Variants in REV1 observed in about 807,000 individuals in gnomAD.
The protein encoded by REV1 is translesion synthesis protein REV1.
REV1 carries 42 observed loss-of-function variants against 137.4 expected under a neutral mutation model. That is an observed-to-expected ratio of 0.31 (90% confidence interval 0.24 to 0.40). The LOEUF is 0.40. Ranked by LOEUF, REV1 falls within the 10% of genes least tolerant of loss-of-function variation. The probability of loss-of-function intolerance (pLI) is 1.00; values close to 1 mark genes in which losing one functional copy is unlikely to be tolerated. For missense variants in REV1, 1,282 were observed against 1,490.1 expected, an observed-to-expected ratio of 0.86 and a Z score of 2.30; for synonymous variants, 524 against 519.2, an observed-to-expected ratio of 1.01 and a Z score of -0.12.
At chr2:99,403,874 T>A in intron 18 of REV1, 59 bp from the exon 19 acceptor site, 1 of 1,585,584 alleles carries the variant, frequency 6.3e-7, no homozygotes, top group Non-Finnish European at 8.6e-7. Context: ...GTAGCTGGTT[T>A]CTCTTTTTCA....
In REV1 at chr2:99,439,222, A is replaced by T; in HGVS notation, c.592T>A (p.Phe198Ile). The T allele has an allele frequency of 1.2e-6, 2 of 1,614,094 alleles. No individual in the cohort carries two copies. Among genetic ancestry groups the T allele is most frequent in the Non-Finnish European group, 1.7e-6 (2 of 1,179,970 alleles). ...GTCTGCTCCAGATCCACAAAACTAAAATCATTATTTTCATCTTCTTCATTC... is the reference window on the plus strand; with the variant it reads ...GTCTGCTCCAGATCCACAAAACTAATATCATTATTTTCATCTTCTTCATTC... ...SWNEEDENND[F>I]SFVDLEQTSP... is the part of the protein sequence containing the mutation. The change falls in exon 6 of 23, where the codon TTT becomes ATT. Residue 198 changes from phenylalanine to isoleucine, a missense_variant. By Grantham distance (21) the Phe-to-Ile change is conservative (BLOSUM62 0). Transcript: ENST00000258428.
At chr2:99,411,411 CTTTT>C (rs550532536) in intron 13 of REV1, among the ~76,000 whole-genome samples, 3 of 138,646 alleles carry the variant, frequency 2.2e-5, no homozygotes, top group South Asian at 4.6e-4. Flanking sequence ...CCTTTCTTTC[CTTTT>C]TTTTTTTTTT....
At chr2:99,477,906 G>A (rs956295687) in intron 1 of REV1, among the ~76,000 whole-genome samples, 1 of 152,158 alleles carries the variant, frequency 6.6e-6, no homozygotes, top group Non-Finnish European at 1.5e-5. Flanking sequence ...GATTTCCATA[G>A]AAAGGGAAAG....
chr2:99,434,457 A>T lies in REV1; in HGVS notation c.1322-9T>A. 1 of 1,571,554 alleles carries T rather than the reference A, an allele frequency of 6.4e-7. No individual in the cohort carries two copies. Among genetic ancestry groups the T allele is most frequent in the East Asian group, 2.3e-5 (1 of 43,774 alleles). ...AACAGCCACTGGTTTTCCTGTGAGG[A>T]AAATATTAAATTATTTCTGTATGTG... On this transcript the variant is annotated splice_polypyrimidine_tract_variant and intron_variant, in intron 7 of 22. Coordinates refer to ENST00000258428, the MANE Select transcript of REV1 (RefSeq NM_016316.4).
chr2:99,425,914 T>C (rs1427493922), intron 9 of REV1, among the ~76,000 whole-genome samples: 6 of 152,004 alleles, frequency 3.9e-5, no homozygotes, highest in African/African-American at 1.5e-4. Flanking sequence ...CGCATGCCTG[T>C]AATCCCAGCT....
intron 18 of REV1, among the ~76,000 whole-genome samples, chr2:99,404,143 A>C (rs1675913356): frequency 6.6e-6 from 1 of 152,216 alleles, no homozygotes; most frequent in African/African-American, 2.4e-5. Flanking sequence ...GCAGGATTAT[A>C]CATCTCCGCT....
intron 1 of REV1, among the ~76,000 whole-genome samples, chr2:99,487,059 CA>C (rs1200303746): frequency 6.6e-6 from 1 of 152,154 alleles, no homozygotes; most frequent in African/African-American, 2.4e-5. Context: ...AGCAGAAACA[CA>C]AGACAAGACA....
intron 1 of REV1, among the ~76,000 whole-genome samples, chr2:99,479,096 G>A (rs1486903146): frequency 1.3e-5 from 2 of 151,984 alleles, no homozygotes; most frequent in Admixed American, 1.3e-4. Context: ...TTAGGAGACC[G>A]AGGTGGGCGG....
intron 12 of REV1, among the ~76,000 whole-genome samples, chr2:99,416,621 C>T (rs1160246035): frequency 3.9e-5 from 6 of 152,180 alleles, no homozygotes; most frequent in African/African-American, 1.2e-4. Context: ...TAACTTCACA[C>T]TTGCCCTTCA....
chr2:99,442,595 T>C (rs1559357411), intron 4 of REV1, 126 bp from the exon 5 acceptor site: 1 of 875,802 alleles, frequency 1.1e-6, no homozygotes, highest in Non-Finnish European at 1.8e-6. Flanking sequence ...TCCTAGTTTA[T>C]TCCTTCTTGC....
At chr2:99,476,371 C>T (rs1490662232) in intron 1 of REV1, among the ~76,000 whole-genome samples, 1 of 152,152 alleles carries the variant, frequency 6.6e-6, no homozygotes, top group Non-Finnish European at 1.5e-5. Context: ...GCCTGGCCAA[C>T]ATGGTGAAAC....
Position 99,408,031 on chromosome 2 carries a change from C to T in REV1, c.2446G>A (p.Gly816Arg). The T allele has an allele frequency of 6.5e-7, 1 of 1,547,230 alleles. No homozygotes were observed. Among genetic ancestry groups the T allele is most frequent in the African/African-American group, 1.4e-5 (1 of 72,924 alleles). The change falls in exon 15 of 23, where the codon GGG (glycine) becomes AGG (arginine). Residue 816 changes from glycine to arginine, a missense_variant and splice_region_variant. Physicochemically the swap from Gly to Arg is moderately radical, Grantham distance 125. Around this residue, in one of 7 missense-constraint regions of REV1, gnomAD observed 372 missense variants for 482.3 expected, o/e 0.77. Transcript: ENST00000258428. ...TMKLNISDMR[G>R]VGIHVNQLVP... Reference sequence around the variant, plus strand: ...TTACAATGTTACTATATACTTACCCCTCTCATATCTGATATATTTAGTTTC... The same window carrying T: ...TTACAATGTTACTATATACTTACCCTTCTCATATCTGATATATTTAGTTTC...
intron 1 of REV1, among the ~76,000 whole-genome samples, chr2:99,488,769 AC>A (rs916764203): frequency 6.6e-6 from 1 of 151,844 alleles, no homozygotes; most frequent in Non-Finnish European, 1.5e-5. Flanking sequence ...GGTTGGTCCT[AC>A]CCTACCTAAA....
chr2:99,422,089 A>G (rs1407371129), intron 10 of REV1, among the ~76,000 whole-genome samples: 1 of 152,234 alleles, frequency 6.6e-6, no homozygotes, highest in Non-Finnish European at 1.5e-5. Context: ...TAGACAAATC[A>G]GTAATTGCTA....
At chr2:99,422,186 A>G (rs1022478668) in intron 10 of REV1, among the ~76,000 whole-genome samples, 2 of 152,180 alleles carry the variant, frequency 1.3e-5, no homozygotes, top group African/African-American at 4.8e-5. Context: ...AGTCATCCCA[A>G]CTGCTTGTCT....
At chr2:99,486,110 G>A (rs1265203261) in intron 1 of REV1, among the ~76,000 whole-genome samples, 2 of 152,190 alleles carry the variant, frequency 1.3e-5, no homozygotes, top group African/African-American at 2.4e-5. Context: ...GGGCAACAGA[G>A]CAAGACCCTG....
chr2:99,415,672 T>C (rs1677756267), intron 12 of REV1, among the ~76,000 whole-genome samples: 1 of 152,254 alleles, frequency 6.6e-6, no homozygotes, highest in Non-Finnish European at 1.5e-5. Flanking sequence ...TTAACTCATA[T>C]TGTACTAGCT....
chr2:99,406,486 C>T lies in REV1; in HGVS notation c.2453G>A (p.Gly818Glu). Residue 818 changes from glycine (G) to glutamate (E), a missense_variant, in exon 16 of 23, where the codon GGG (glycine) becomes GAG (glutamate). Gly to Glu is a moderately conservative substitution (Grantham distance 98). Around this residue, in one of 7 missense-constraint regions of REV1, gnomAD observed 372 missense variants for 482.3 expected, o/e 0.77. Transcript: ENST00000258428. ...KLNISDMRGV[G>E]IHVNQLVPTN... is the part of the protein sequence containing the mutation. ...TGGAACCAACTGATTCACGTGAATC[C>T]CAACCTAGAACCCAGAATAAAGAGT... 2 of 1,597,178 alleles carry T rather than the reference C, an allele frequency of 1.3e-6. No individual in the cohort carries two copies. The highest frequency in any genetic ancestry group is 1.7e-6 in the Non-Finnish European group (2 of 1,171,208).
At chr2:99,461,392 G>C (rs1241079099) in intron 3 of REV1, among the ~76,000 whole-genome samples, 1 of 152,318 alleles carries the variant, frequency 6.6e-6, no homozygotes, top group East Asian at 1.9e-4. Context: ...GACAACTATG[G>C]AAAGGTCTGA....
Sources: gnomAD v4.1 joint callset for allele counts (sites outside exome capture counted in the v4.1 genomes callset) on GRCh38, gnomAD v4.1.1 for gene constraint, gnomAD v4.1.1 regional missense constraint, MANE v1.5 for transcripts, NCBI Gene and HGNC (gene_info 2026-07-23, HGNC 2026-07-21) for gene names.